Variants in CA8 observed in about 807,000 individuals in gnomAD.
CA8 encodes the protein carbonic anhydrase 8 (inactive).
A neutral mutation model predicts 41.4 loss-of-function variants in CA8; 22 were observed. That is an observed-to-expected ratio of 0.53 (90% CI 0.38 to 0.76). The LOEUF (loss-of-function observed/expected upper bound fraction) is 0.76. CA8 is among the 30% of genes least tolerant of loss of function. The probability of loss-of-function intolerance (pLI) is 0.00; values close to 1 mark genes in which losing one functional copy is unlikely to be tolerated. For missense variants in CA8, 270 were observed against 352.8 expected (o/e 0.77, Z 1.88); for synonymous variants, 121 against 130.6 (o/e 0.93, Z 0.50).
At chr8:60,222,322 T>A (rs755568436) in intron 7 of CA8, among the ~76,000 whole-genome samples, 8 of 146,546 alleles carry the variant, frequency 5.5e-5, no homozygotes, top group Non-Finnish European at 9.2e-5. Context: ...ATAACCGGCA[T>A]CCCCACTTTA....
At chr8:60,273,306 C>T (rs189785978) in intron 2 of CA8, among the ~76,000 whole-genome samples, 71 of 152,298 alleles carry the variant, frequency 4.7e-4, no homozygotes, top group Middle Eastern at 3.4e-3. Context: ...TGGCGGAGAT[C>T]ATAGAACTTT....
At chr8:60,234,403 G>C (rs1021603228) in intron 3 of CA8, among the ~76,000 whole-genome samples, 1 of 152,164 alleles carries the variant, frequency 6.6e-6, no homozygotes, top group Non-Finnish European at 1.5e-5. Context: ...ATAAAATGTG[G>C]ATTAGTAACA....
At chr8:60,271,281 G>T (rs543120679) in intron 2 of CA8, among the ~76,000 whole-genome samples, 21 of 152,136 alleles carry the variant, frequency 1.4e-4, no homozygotes, top group Non-Finnish European at 2.8e-4. Context: ...CTTGGAGGCT[G>T]CAGTGAGCTA....
chr8:60,274,387 G>A (rs1804163033), intron 2 of CA8, among the ~76,000 whole-genome samples: 1 of 152,144 alleles, frequency 6.6e-6, no homozygotes, highest in South Asian at 2.1e-4. Context: ...GCAGACAAAG[G>A]TAGTGAGTGA....
chr8:60,190,737 T>G (rs1011982227), intron 8 of CA8, among the ~76,000 whole-genome samples: 3 of 150,294 alleles, frequency 2.0e-5, no homozygotes, highest in African/African-American at 7.3e-5. Flanking sequence ...ACAAAGAGTC[T>G]ATGTGTAAGG....
At chr8:60,206,131 T>C (rs1046089411) in intron 8 of CA8, among the ~76,000 whole-genome samples, 12 of 152,214 alleles carry the variant, frequency 7.9e-5, no homozygotes, top group Non-Finnish European at 1.6e-4. Flanking sequence ...CACCTTAGAA[T>C]TCCTGTACCA....
chr8:60,215,045 C>T (rs1806968037), intron 7 of CA8, among the ~76,000 whole-genome samples: 1 of 152,120 alleles, frequency 6.6e-6, no homozygotes. Flanking sequence ...ATTATCAACC[C>T]ATTTCTGTAT....
At chr8:60,273,043 T>C (rs1278035434) in intron 2 of CA8, among the ~76,000 whole-genome samples, 1 of 152,202 alleles carries the variant, frequency 6.6e-6, no homozygotes, top group African/African-American at 2.4e-5. Flanking sequence ...TTACAATCTC[T>C]TGCTCTCCTG....
rs1207524287 is a variant in CA8 at position 60,186,337 on chromosome 8, TAG to T, written c.*3682_*3683del. On this transcript the variant is annotated 3_prime_UTR_variant, in exon 9 of 9. Coordinates refer to ENST00000317995, the MANE Select transcript of CA8 (RefSeq NM_004056.6). ...TAATAAAGTTATTATAAATCTGAAA[TAG>T]ATTCTGATAAATTAACAAGTATATG... Among the ~76,000 whole-genome samples, 1 of 151,480 alleles carries T rather than the reference TAG, an allele frequency of 6.6e-6. No individual in the cohort carries two copies. Among genetic ancestry groups the T allele is most frequent in the East Asian group, 1.9e-4 (1 of 5,168 alleles).
At position 60,198,363 on chromosome 8, in the gene CA8, A is replaced by T. The variant is rs533579262; in HGVS notation, c.*36-8378T>A. ...TTCTTTTTGTTCCCATCACTCACTA[A>T]TATGTGTAACTTAGAATGAATAAAT... On this transcript the variant is annotated intron_variant, in intron 8 of 8. Transcript: ENST00000317995. Among the ~76,000 whole-genome samples the T allele has an allele frequency of 5.3e-5, 8 of 152,292 alleles. No individual in the cohort carries two copies. The East Asian group carries it at 1.5e-3, about 29-fold the overall frequency.
intron 8 of CA8, among the ~76,000 whole-genome samples, chr8:60,206,650 T>G (rs1315370255): frequency 6.6e-6 from 1 of 152,060 alleles, no homozygotes; most frequent in Admixed American, 6.6e-5. Flanking sequence ...ACTGCTGCTC[T>G]CCCACTCCTA....
At chr8:60,230,588 TCTCCTTCC>T (rs1221920029) in intron 4 of CA8, among the ~76,000 whole-genome samples, 11 of 119,110 alleles carry the variant, frequency 9.2e-5, no homozygotes, top group African/African-American at 1.6e-4. Flanking sequence ...TCCCTTCCCC[TCTCCTTCC>T]CTCCTTCCCT....
intron 8 of CA8, among the ~76,000 whole-genome samples, chr8:60,197,508 C>T (rs1039911869): frequency 6.6e-6 from 1 of 152,114 alleles, no homozygotes; most frequent in African/African-American, 2.4e-5. Context: ...GTAAATACCA[C>T]TATAGCCTTC....
chr8:60,246,875 C>CTTT (rs10567353), intron 3 of CA8, among the ~76,000 whole-genome samples: 14 of 89,100 alleles, frequency 1.6e-4, no homozygotes, highest in East Asian at 2.8e-4. Flanking sequence ...ATAATAACCA[C>CTTT]TTTTTTTTTT....
At chr8:60,245,876 A>G (rs989483504) in intron 3 of CA8, among the ~76,000 whole-genome samples, 1 of 152,236 alleles carries the variant, frequency 6.6e-6, no homozygotes, top group Non-Finnish European at 1.5e-5. Context: ...AGTTCAGTAC[A>G]GCTCATACTG....
intron 3 of CA8, among the ~76,000 whole-genome samples, chr8:60,237,072 C>T (rs549540119): frequency 3.9e-5 from 6 of 152,258 alleles, no homozygotes; most frequent in African/African-American, 7.2e-5. Context: ...GATACAGAGG[C>T]GGCAACCCTG....
intron 8 of CA8, among the ~76,000 whole-genome samples, chr8:60,194,481 G>A (rs1585837346): frequency 1.3e-5 from 2 of 152,232 alleles, no homozygotes; most frequent in African/African-American, 2.4e-5. Context: ...CAGTGTATGG[G>A]AGGATGACAT....
At chr8:60,280,825 G>C (rs1005389479) in intron 1 of CA8, among the ~76,000 whole-genome samples, 1 of 152,214 alleles carries the variant, frequency 6.6e-6, no homozygotes, top group African/African-American at 2.4e-5. Flanking sequence ...GCTCCCGGGT[G>C]AGAGCGCAGG....
At chr8:60,215,338 CTG>C (rs1490875685) in intron 7 of CA8, among the ~76,000 whole-genome samples, 1 of 140,542 alleles carries the variant, frequency 7.1e-6, no homozygotes, top group African/African-American at 2.6e-5. Flanking sequence ...GATAAAAACA[CTG>C]TCGTGTGTGT....
Sources: gnomAD v4.1 joint callset for allele counts (sites outside exome capture counted in the v4.1 genomes callset) on GRCh38, gnomAD v4.1.1 for gene constraint, MANE v1.5 for transcripts, NCBI Gene and HGNC (gene_info 2026-07-23, HGNC 2026-07-21) for gene names.